Variants in RRM2B observed in about 807,000 individuals in gnomAD.
The protein encoded by RRM2B is ribonucleotide reductase regulatory TP53 inducible subunit M2B, also known as ribonucleoside-diphosphate reductase subunit M2 B.
A neutral mutation model predicts 45.9 loss-of-function variants in RRM2B; 20 were observed. The observed-to-expected ratio is 0.44, with a 90% CI of 0.31 to 0.63. RRM2B has a LOEUF of 0.63. RRM2B is among the 30% of genes least tolerant of loss of function. The pLI is 0.09. For synonymous variants in RRM2B, 124 were observed against 132.3 expected (o/e 0.94, Z 0.43); for missense variants, 320 against 414.7 (o/e 0.77, Z 1.98).
chr8:102,232,958 C>A (rs1039888541), intron 1 of RRM2B, among the ~76,000 whole-genome samples: 1 of 152,158 alleles, frequency 6.6e-6, no homozygotes, highest in Non-Finnish European at 1.5e-5. Context: ...GAAACACATA[C>A]CTGTATTCAC....
intron 8 of RRM2B, among the ~76,000 whole-genome samples, chr8:102,210,348 T>C (rs971426534): frequency 2.0e-5 from 3 of 152,202 alleles, no homozygotes; most frequent in South Asian, 2.1e-4. Flanking sequence ...CCAATAGCCA[T>C]AGACTCACTA....
In RRM2B at chr8:102,224,972, A is replaced by T. The variant is rs515726187; in HGVS notation, c.368T>A (p.Phe123Tyr). 1 of 1,614,154 alleles carries T rather than the reference A, an allele frequency of 6.2e-7. No homozygotes were observed. The highest frequency in any genetic ancestry group is 8.5e-7 in the Non-Finnish European group (1 of 1,180,004). ...CTCGATGAGAATTTGAAAGCCATAG[A>T]AACAGCGAGCCTCTGGAACCTGCAC... ...QEVQVPEARC[F>Y]YGFQILIENV... The change falls in exon 4 of 9, where the codon TTC (phenylalanine) becomes TAC (tyrosine). Residue 123 changes from phenylalanine to tyrosine, a missense_variant. By Grantham distance (22) the Phe-to-Tyr change is conservative (BLOSUM62 3). Around this residue, in one of 3 missense-constraint regions of RRM2B, gnomAD observed 225 missense variants for 289.4 expected, o/e 0.78. Transcript: ENST00000251810.
intron 8 of RRM2B, among the ~76,000 whole-genome samples, chr8:102,210,284 T>C (rs1810613413): frequency 1.3e-5 from 2 of 152,048 alleles, no homozygotes; most frequent in African/African-American, 4.8e-5. Context: ...GTGTAAAAAG[T>C]GAGGGAATAT....
intron 2 of RRM2B, among the ~76,000 whole-genome samples, chr8:102,229,758 T>C (rs982306953): frequency 6.6e-6 from 1 of 152,152 alleles, no homozygotes; most frequent in African/African-American, 2.4e-5. Flanking sequence ...CTAATTTTTG[T>C]ATTTTTACTA....
rs185809837 is a variant in RRM2B, at chr8:102,205,503, G to C, written c.*2630C>G. 2 of 152,240 alleles carry C rather than the reference G, an allele frequency of 1.3e-5. No individual in the cohort carries two copies. Among genetic ancestry groups the C allele is most frequent in the Admixed American group, 6.5e-5 (1 of 15,292 alleles). The allele number at this position is 152,240 out of a possible 1,614,324, so 9.4% of individuals were successfully genotyped here. ...GTATATAATTGGACAGCAAAACCCA[G>C]TCCTGTCTAAAAGCAATGGATCAAA... On this transcript the variant is annotated 3_prime_UTR_variant, in exon 9 of 9. Transcript: ENST00000251810.
At chr8:102,225,796 T>C in intron 3 of RRM2B, 122 bp downstream of exon 3, 5 of 716,352 alleles carry the variant, frequency 7.0e-6, no homozygotes, top group Non-Finnish European at 1.3e-5. Context: ...ATTTAAAGAG[T>C]TAAGCTTCAT....
At chr8:102,232,398 T>A in intron 1 of RRM2B, 94 bp from the exon 2 acceptor site, 1 of 1,298,610 alleles carries the variant, frequency 7.7e-7, no homozygotes, top group Non-Finnish European at 1.1e-6. Context: ...GGAGACGGCA[T>A]TGGTTTGAGA....
chr8:102,229,122 G>A (rs113213390), intron 2 of RRM2B, among the ~76,000 whole-genome samples: 174 of 152,222 alleles, frequency 1.1e-3, no homozygotes, highest in African/African-American at 4.0e-3. Flanking sequence ...GCATGGTGGC[G>A]CATGCCTGTA....
chr8:102,221,691 G>C (rs907148244), intron 5 of RRM2B, among the ~76,000 whole-genome samples: 1 of 152,184 alleles, frequency 6.6e-6, no homozygotes, highest in Admixed American at 6.5e-5. Flanking sequence ...GCAATATGGA[G>C]AATCTAGCTG....
At chr8:102,227,346 G>A (rs572611992) in intron 2 of RRM2B, among the ~76,000 whole-genome samples, 1 of 151,966 alleles carries the variant, frequency 6.6e-6, no homozygotes, top group African/African-American at 2.4e-5. Flanking sequence ...CACCCAGTCT[G>A]GAGTGCGGTG....
chr8:102,230,589 T>C (rs1254067818), intron 2 of RRM2B, among the ~76,000 whole-genome samples: 2 of 152,178 alleles, frequency 1.3e-5, no homozygotes, highest in East Asian at 1.9e-4. Flanking sequence ...TATGAAAATA[T>C]TGGGTGTTTG....
At chr8:102,214,247 T>C in intron 6 of RRM2B, 89 bp from the exon 7 acceptor site, 4 of 890,574 alleles carry the variant, frequency 4.5e-6, no homozygotes, top group Admixed American at 3.7e-5. Flanking sequence ...AAAGTGGTTC[T>C]AGGAATATAA....
chr8:102,210,565 C>A (rs528039609), intron 8 of RRM2B, among the ~76,000 whole-genome samples: 2 of 151,584 alleles, frequency 1.3e-5, no homozygotes, highest in Non-Finnish European at 2.9e-5. Context: ...TGGGTTCAAG[C>A]GATTCTCTCG....
At chr8:102,232,394 G>A (rs913047332) in intron 1 of RRM2B, 90 bp from the exon 2 acceptor site, 8 of 1,350,686 alleles carry the variant, frequency 5.9e-6, no homozygotes, top group African/African-American at 2.9e-5. Flanking sequence ...TCAGGGAGAC[G>A]GCATTGGTTT....
chr8:102,228,742 G>A (rs1810976870), intron 2 of RRM2B, among the ~76,000 whole-genome samples: 1 of 152,212 alleles, frequency 6.6e-6, no homozygotes, highest in African/African-American at 2.4e-5. Flanking sequence ...TCAAGGGGCT[G>A]AGCGCAATGG....
rs28999693 is a variant in RRM2B, at chr8:102,233,262, G to C, written c.49-958C>G. ...CAACTGTTATAGCAGAGGAGGCTAAGGCTTAGCAAGAAGAAAGCCCAAAAT... is the reference window on the plus strand; with the variant it reads ...CAACTGTTATAGCAGAGGAGGCTAACGCTTAGCAAGAAGAAAGCCCAAAAT... On this transcript the variant is annotated intron_variant, in intron 1 of 8. Transcript: ENST00000251810. Among the ~76,000 whole-genome samples the C allele has an allele frequency of 9.5e-3, 1,449 of 152,302 alleles. 13 individuals carry two copies. Among genetic ancestry groups the C allele is most frequent in the African/African-American group, 0.032 (1,316 of 41,542 alleles).
intron 2 of RRM2B, among the ~76,000 whole-genome samples, chr8:102,231,868 C>CAAAAAAA (rs1250881056): frequency 6.5e-5 from 4 of 61,462 alleles, no homozygotes; most frequent in Non-Finnish European, 1.1e-4. Flanking sequence ...GACTCTGTCT[C>CAAAAAAA]AAAAAAAAAA....
At chr8:102,229,277 A>C (rs3018506) in intron 2 of RRM2B, among the ~76,000 whole-genome samples, 101,765 of 138,560 alleles carry the variant, frequency 0.73, 34,956 homozygotes, top group East Asian at 0.92. Context: ...ACAACAACAA[A>C]AAAAAAAAAA....
At chr8:102,228,194 A>G (rs1426400119) in intron 2 of RRM2B, among the ~76,000 whole-genome samples, 1 of 152,172 alleles carries the variant, frequency 6.6e-6, no homozygotes, top group East Asian at 1.9e-4. Flanking sequence ...GTCAGAGACT[A>G]CGGTTGGATG....
Sources: allele counts gnomAD v4.1 joint callset (sites outside exome capture counted in the v4.1 genomes callset), GRCh38; gene constraint gnomAD v4.1.1; regional missense constraint gnomAD v4.1.1; transcripts MANE v1.5; gene names NCBI Gene and HGNC (gene_info 2026-07-23, HGNC 2026-07-21).